Variants in LEPR observed in about 807,000 individuals in gnomAD.
The protein encoded by LEPR is OB receptor.
A neutral mutation model predicts 114.7 loss-of-function variants in LEPR; 56 were observed. That is an observed-to-expected ratio of 0.49 (90% CI 0.39 to 0.61). The LOEUF (loss-of-function observed/expected upper bound fraction) is 0.61, where lower values mean the gene tolerates loss of function less well. Among genes scored for constraint, LEPR ranks in the 20% least tolerant of loss-of-function variants. LEPR has a pLI of 0.00. For missense variants in LEPR, 1,202 were observed against 1,352.9 expected, an observed-to-expected ratio of 0.89 and a Z score of 1.75; for synonymous variants, 443 against 461.4, an observed-to-expected ratio of 0.96 and a Z score of 0.51.
At chr1:65,462,882 A>G (rs1646963589) in intron 2 of LEPR, among the ~76,000 whole-genome samples, 1 of 152,050 alleles carries the variant, frequency 6.6e-6, no homozygotes, top group South Asian at 2.1e-4. Context: ...TTCTTTGTAG[A>G]TTCCAGATAT....
At chr1:65,469,800 C>T (rs574439774) in intron 2 of LEPR, among the ~76,000 whole-genome samples, 1 of 152,312 alleles carries the variant, frequency 6.6e-6, no homozygotes, top group East Asian at 1.9e-4. Context: ...AGCTTTAACA[C>T]CAATAAGTGC....
At chr1:65,467,010 G>A (rs990106900) in intron 2 of LEPR, among the ~76,000 whole-genome samples, 3 of 152,036 alleles carry the variant, frequency 2.0e-5, no homozygotes, top group Non-Finnish European at 2.9e-5. Context: ...TGTTATTACC[G>A]ACCTTCTGAA....
chr1:65,531,304 T>C lies in LEPR; in HGVS notation c.-20-34242T>C, dbSNP rs143647060. The stretch of plus-strand genomic sequence containing the variant: ...GGTTCGCTTTGTTACTGTCACTTCT[T>C]TTAAGTCTTCGTTCAAATGTCTCCT... On this transcript the variant is annotated intron_variant, in intron 2 of 19. Coordinates refer to ENST00000349533, the MANE Select transcript of LEPR (RefSeq NM_002303.6). Among the ~76,000 whole-genome samples, 3 of 152,306 alleles carry C rather than the reference T, an allele frequency of 2.0e-5. No homozygotes were observed. The East Asian group carries it at 5.8e-4, about 29-fold the overall frequency.
intron 2 of LEPR, among the ~76,000 whole-genome samples, chr1:65,466,492 A>G (rs148340765): frequency 0.022 from 3,341 of 152,168 alleles, 146 homozygotes; most frequent in African/African-American, 0.077. Context: ...TGAATCTGAC[A>G]ATTAATGTGT....
chr1:65,605,025 G>C lies in LEPR; in HGVS notation c.1404-13G>C. 4 of 1,610,590 alleles carry C rather than the reference G, an allele frequency of 2.5e-6. No individual in the cohort carries two copies. The highest frequency in any genetic ancestry group is 3.4e-6 in the Non-Finnish European group (4 of 1,179,754). ...TAATGTATACTAATTGACTATTTTT[G>C]TATCTTTTAAAGGAGCAGCCTTTAC... is the stretch of plus-strand genomic sequence containing the variant. On this transcript the variant is annotated splice_polypyrimidine_tract_variant and intron_variant, in intron 10 of 19. Transcript: ENST00000349533.
At chr1:65,612,533 A>G (rs931278868) in intron 14 of LEPR, among the ~76,000 whole-genome samples, 1 of 152,054 alleles carries the variant, frequency 6.6e-6, no homozygotes, top group Non-Finnish European at 1.5e-5. Flanking sequence ...CTTTGTTTTT[A>G]TGAACTTGAC....
At chr1:65,598,969 C>T (rs1656262162) in intron 8 of LEPR, among the ~76,000 whole-genome samples, 165 bp downstream of exon 8, 1 of 152,144 alleles carries the variant, frequency 6.6e-6, no homozygotes, top group Non-Finnish European at 1.5e-5. Flanking sequence ...AATTAAAATT[C>T]TGTCAGAGCC....
intron 2 of LEPR, among the ~76,000 whole-genome samples, chr1:65,506,477 G>A (rs1648735493): frequency 6.6e-6 from 1 of 152,202 alleles, no homozygotes; most frequent in African/African-American, 2.4e-5. Context: ...TTAGCAAGAA[G>A]TTGCAAGGAC....
intron 2 of LEPR, among the ~76,000 whole-genome samples, chr1:65,494,537 C>A (rs1240094847): frequency 6.6e-6 from 1 of 152,098 alleles, no homozygotes; most frequent in East Asian, 1.9e-4. Flanking sequence ...TTTGGTTTCT[C>A]AAAATATCAC....
intron 9 of LEPR, 28 bp from the exon 10 acceptor site, chr1:65,601,815 T>A: frequency 6.3e-7 from 1 of 1,592,446 alleles, no homozygotes; most frequent in East Asian, 2.3e-5. Flanking sequence ...TTTTGCTTTA[T>A]ATTAATATTT....
Position 65,565,425 on chromosome 1 carries a change from T to G in LEPR, c.-20-121T>G, listed in dbSNP as rs1008975582. On this transcript the variant is annotated intron_variant, in intron 2 of 19. Coordinates refer to ENST00000349533, the MANE Select transcript of LEPR (RefSeq NM_002303.6). ...ATATTTCTCAGATATTGATCTAGAGTATCACATGTAAATTTAGAGACTTAT... is the reference window on the plus strand; with the variant it reads ...ATATTTCTCAGATATTGATCTAGAGGATCACATGTAAATTTAGAGACTTAT... 7 of 883,142 alleles carry G rather than the reference T, an allele frequency of 7.9e-6. No individual in the cohort carries two copies. In the African/African-American group the frequency reaches 8.4e-5, roughly 11 times the overall value. The allele number at this position is 883,142 out of a possible 1,614,324, so 54.7% of individuals were successfully genotyped here. A position where few individuals can be genotyped will look rare whatever the true frequency, so the allele number is the denominator to read the frequency against.
At chr1:65,547,743 C>G (rs1401149059) in intron 2 of LEPR, among the ~76,000 whole-genome samples, 1 of 137,992 alleles carries the variant, frequency 7.2e-6, no homozygotes, top group Admixed American at 7.5e-5. Context: ...TTTTGTTGAT[C>G]CTTTCAAAAA....
At chr1:65,541,283 A>G (rs931511729) in intron 2 of LEPR, among the ~76,000 whole-genome samples, 10 of 152,226 alleles carry the variant, frequency 6.6e-5, no homozygotes, top group Non-Finnish European at 1.3e-4. Flanking sequence ...TATCTGGTTA[A>G]TATTTAAATG....
At chr1:65,488,202 TTCTTTCTTTCTC>T (rs1388802341) in intron 2 of LEPR, among the ~76,000 whole-genome samples, 3 of 29,418 alleles carry the variant, frequency 1.0e-4, no homozygotes, top group East Asian at 1.2e-3. Context: ...CTTTCTTTCT[TTCTTTCTTTCTC>T]TCTCTCTCTC....
rs555665919 is a variant in LEPR at position 65,433,033 on chromosome 1, A to G, written c.-21+7655A>G. The G allele has an allele frequency of 5.1e-6, 5 of 985,146 alleles. No individual in the cohort carries two copies. The African/African-American group carries it at 7.0e-5, about 14-fold the overall frequency. The allele number at this position is 985,146 out of a possible 1,614,324, so 61.0% of individuals were successfully genotyped here. On this transcript the variant is annotated intron_variant, in intron 2 of 19. Transcript: ENST00000349533. ...TCATCTGAAAGACAATGCTGGGGGA[A>G]GAGCTCCACTGAGATGCGGGCAGGG...
At chr1:65,454,303 G>A (rs566986415) in intron 2 of LEPR, among the ~76,000 whole-genome samples, 2 of 152,024 alleles carry the variant, frequency 1.3e-5, no homozygotes, top group South Asian at 4.2e-4. Context: ...ATATTGTTAT[G>A]TGTGAATCTG....
chr1:65,490,457 T>C (rs1647804475), intron 2 of LEPR, among the ~76,000 whole-genome samples: 1 of 152,080 alleles, frequency 6.6e-6, no homozygotes, highest in South Asian at 2.1e-4. Context: ...CAGGCTTCTT[T>C]TCCTGTGAGA....
chr1:65,556,892 G>A (rs555316284), intron 2 of LEPR, among the ~76,000 whole-genome samples: 1 of 152,090 alleles, frequency 6.6e-6, no homozygotes, highest in Non-Finnish European at 1.5e-5. Context: ...ACATGATCTG[G>A]TCAATGTGTT....
At chr1:65,449,260 CTTTTTTT>C (rs201429452) in intron 2 of LEPR, among the ~76,000 whole-genome samples, 11 of 118,560 alleles carry the variant, frequency 9.3e-5, no homozygotes, top group South Asian at 5.7e-4. Context: ...TTTTATTTAT[CTTTTTTT>C]TTTTTTTTTT....
Sources: gnomAD v4.1 joint callset for allele counts (sites outside exome capture counted in the v4.1 genomes callset) on GRCh38, gnomAD v4.1.1 for gene constraint, MANE v1.5 for transcripts, NCBI Gene and HGNC (gene_info 2026-07-23, HGNC 2026-07-21) for gene names.